FAR2: variants seen among roughly 807,000 people sequenced by gnomAD.
FAR2 encodes the protein fatty acyl-CoA reductase 2.
In FAR2, 19 loss-of-function variants were observed where a neutral mutation model predicts 56.0. That is an observed-to-expected ratio of 0.34 (90% CI 0.24 to 0.50). The LOEUF is 0.50. FAR2 is among the 20% of genes least tolerant of loss of function. The probability of loss-of-function intolerance (pLI) is 0.98; values close to 1 mark genes in which losing one functional copy is unlikely to be tolerated. For missense variants in FAR2, 508 were observed against 642.2 expected (o/e 0.79, Z 2.26); for synonymous variants, 219 against 218.8 (o/e 1.00, Z -0.01).
chr12:29,166,051 T>C (rs1204959601), intron 1 of FAR2, among the ~76,000 whole-genome samples: 1 of 152,262 alleles, frequency 6.6e-6, no homozygotes, highest in African/African-American at 2.4e-5. Flanking sequence ...ACTACTTGTC[T>C]CTGATCCTCA....
chr12:29,327,434 C>T (rs879039740), intron 10 of FAR2, among the ~76,000 whole-genome samples: 1 of 152,134 alleles, frequency 6.6e-6, no homozygotes, highest in Admixed American at 6.5e-5. Context: ...AAAAAAGAGC[C>T]CGCATTGCCA....
chr12:29,294,872 AT>A (rs959698274), intron 3 of FAR2, among the ~76,000 whole-genome samples: 16 of 147,674 alleles, frequency 1.1e-4, no homozygotes, highest in South Asian at 4.3e-4. Flanking sequence ...AAGCAGCTTT[AT>A]TTTTTTTTTC....
At position 29,333,715 on chromosome 12, in the gene FAR2, G is replaced by A. The variant is rs756521898; in HGVS notation, c.1469G>A (p.Arg490Gln). ...CTCATTGCAAGATCTCAGATGGCTC[G>A]GAATGTCTGGTTCTTCATTGTAAGC... The part of the protein sequence containing the change: ...RLLIARSQMA[R>Q]NVWFFIVSFC... The change falls in exon 12 of 12, where the codon CGG becomes CAG. Residue 490 changes from arginine (R) to glutamine (Q), a missense_variant. Arg to Gln is a conservative substitution (Grantham distance 43). Coordinates refer to ENST00000536681, the MANE Select transcript of FAR2 (RefSeq NM_001271783.2). 86 of 1,613,592 alleles carry A rather than the reference G, an allele frequency of 5.3e-5. No homozygotes were observed. The highest frequency in any genetic ancestry group is 6.8e-5 in the Non-Finnish European group (80 of 1,179,720).
chr12:29,312,292 C>A (rs1438084008), intron 8 of FAR2, among the ~76,000 whole-genome samples: 2 of 152,278 alleles, frequency 1.3e-5, no homozygotes, highest in African/African-American at 4.8e-5. Flanking sequence ...ATGGCTCCTA[C>A]ACACACCCCT....
intron 1 of FAR2, among the ~76,000 whole-genome samples, chr12:29,224,642 C>T (rs118158340): frequency 1.3e-5 from 2 of 152,068 alleles, no homozygotes; most frequent in African/African-American, 2.4e-5. Flanking sequence ...TGGGTATGGG[C>T]GAACTGGAAC....
At position 29,189,464 on chromosome 12, in the gene FAR2, C is replaced by T. The variant is rs117965777; in HGVS notation, c.-39+40057C>T. ...CGCTCACCTTGTATTTTTCCTTCCC[C>T]AGTGCTAGAATCAGCCATTTCTCCA... On this transcript the variant is annotated intron_variant, in intron 1 of 11. Transcript: ENST00000536681. Among the ~76,000 whole-genome samples, 24 of 152,246 alleles carry T rather than the reference C, an allele frequency of 1.6e-4. No homozygotes were observed. In the East Asian group the frequency reaches 4.3e-3, roughly 27 times the overall value.
intron 1 of FAR2, among the ~76,000 whole-genome samples, chr12:29,238,915 G>A (rs997565624): frequency 3.3e-5 from 5 of 152,064 alleles, no homozygotes; most frequent in Non-Finnish European, 2.9e-5. Flanking sequence ...CCATGCTTCC[G>A]TGAGTTGTAG....
chr12:29,297,621 C>T (rs957219826), intron 4 of FAR2, among the ~76,000 whole-genome samples: 1 of 152,104 alleles, frequency 6.6e-6, no homozygotes, highest in Non-Finnish European at 1.5e-5. Context: ...AATTCCTTGC[C>T]CTCTCTGAGC....
chr12:29,279,757 A>T (rs1565502205), intron 2 of FAR2, among the ~76,000 whole-genome samples: 4 of 152,204 alleles, frequency 2.6e-5, no homozygotes, highest in Non-Finnish European at 2.9e-5. Flanking sequence ...CTCTCTCCTC[A>T]ATCAGAGAGA....
chr12:29,329,004 A>G (rs1286816304), intron 10 of FAR2, among the ~76,000 whole-genome samples: 1 of 152,216 alleles, frequency 6.6e-6, no homozygotes, highest in Non-Finnish European at 1.5e-5. Flanking sequence ...ATTCAAATCC[A>G]AGCCCTAGAA....
intron 2 of FAR2, among the ~76,000 whole-genome samples, chr12:29,275,543 C>G (rs1948695793): frequency 6.6e-6 from 1 of 152,134 alleles, no homozygotes; most frequent in African/African-American, 2.4e-5. Context: ...GCCACACTGA[C>G]TTCCACAATG....
intron 1 of FAR2, among the ~76,000 whole-genome samples, chr12:29,263,632 T>C (rs1948462522): frequency 6.6e-6 from 1 of 150,924 alleles, no homozygotes; most frequent in Non-Finnish European, 1.5e-5. Flanking sequence ...TGGGATACAG[T>C]GAAAGCTGGA....
chr12:29,203,276 T>C (rs954511199), intron 1 of FAR2, among the ~76,000 whole-genome samples: 2 of 152,218 alleles, frequency 1.3e-5, no homozygotes, highest in Non-Finnish European at 2.9e-5. Context: ...GCCACACACA[T>C]GAAAATTAAA....
rs1225346579 is a variant in FAR2, at chr12:29,335,576, C to T, written c.*1782C>T. 2 of 152,094 alleles carry T rather than the reference C, an allele frequency of 1.3e-5. No homozygotes were observed. The highest frequency in any genetic ancestry group is 2.9e-5 in the Non-Finnish European group (2 of 68,012). 9.4% of individuals were successfully genotyped at this position (152,094 alleles called of 1,614,324 possible). Reference sequence around the variant, plus strand: ...AATAATTCCACTAATCAAGTATTCACATTTTGACTTTTGATTAAATAAAAA... The same window carrying T: ...AATAATTCCACTAATCAAGTATTCATATTTTGACTTTTGATTAAATAAAAA... On this transcript the variant is annotated 3_prime_UTR_variant, in exon 12 of 12. Coordinates refer to ENST00000536681, the MANE Select transcript of FAR2 (RefSeq NM_001271783.2).
intron 1 of FAR2, among the ~76,000 whole-genome samples, chr12:29,161,641 T>G (rs762096796): frequency 6.6e-6 from 1 of 151,744 alleles, no homozygotes; most frequent in Non-Finnish European, 1.5e-5. Context: ...TACGTACACA[T>G]TTCTTTGGGG....
At position 29,293,826 on chromosome 12, in the gene FAR2, G is replaced by C. The variant is rs185033617; in HGVS notation, c.365+351G>C. Among the ~76,000 whole-genome samples the C allele has an allele frequency of 9.2e-5, 14 of 152,052 alleles. 1 individual carries two copies. Among genetic ancestry groups the C allele is most frequent in the Admixed American group, 9.2e-4 (14 of 15,236 alleles). On this transcript the variant is annotated intron_variant, in intron 3 of 11. Coordinates refer to ENST00000536681, the MANE Select transcript of FAR2 (RefSeq NM_001271783.2). ...TGTAATGATTACATGACATTCCATT[G>C]TACATATATATATAATATATTAAAC...
chr12:29,285,616 C>A (rs543170708), intron 2 of FAR2, among the ~76,000 whole-genome samples: 70 of 152,148 alleles, frequency 4.6e-4, no homozygotes, highest in Middle Eastern at 3.4e-3. Flanking sequence ...CACATTAAGT[C>A]TTTTTCTTAA....
intron 1 of FAR2, among the ~76,000 whole-genome samples, chr12:29,201,571 G>T (rs763429115): frequency 6.6e-6 from 1 of 152,098 alleles, no homozygotes; most frequent in Non-Finnish European, 1.5e-5. Flanking sequence ...ATCAAGGGAA[G>T]AACTTTACTT....
At chr12:29,246,062 A>G (rs1481521507) in intron 1 of FAR2, among the ~76,000 whole-genome samples, 1 of 151,422 alleles carries the variant, frequency 6.6e-6, no homozygotes, top group Non-Finnish European at 1.5e-5. Context: ...ATAGCTAGGT[A>G]TATATAGTTA....
Sources: gnomAD v4.1 joint callset for allele counts (sites outside exome capture counted in the v4.1 genomes callset) on GRCh38, gnomAD v4.1.1 for gene constraint, MANE v1.5 for transcripts, NCBI Gene and HGNC (gene_info 2026-07-23, HGNC 2026-07-21) for gene names.